RECK: variants seen among roughly 807,000 people sequenced by gnomAD.
RECK encodes reversion inducing cysteine rich protein with kazal motifs, also known as reversion-inducing cysteine-rich protein with Kazal motifs.
A neutral mutation model predicts 115.1 loss-of-function variants in RECK; 69 were observed. That is an observed-to-expected ratio of 0.60 (90% CI 0.49 to 0.73). The LOEUF (loss-of-function observed/expected upper bound fraction) is 0.73, where lower values mean the gene tolerates loss of function less well. Ranked by LOEUF, RECK falls within the 30% of genes least tolerant of loss-of-function variation. The pLI, the probability that RECK is intolerant of heterozygous loss-of-function variation, is 0.00. For missense variants in RECK, 1,047 were observed against 1,203.7 expected (o/e 0.87, Z 1.93); for synonymous variants, 414 against 419.7 (o/e 0.99, Z 0.17).
chr9:36,058,100 C>T (rs1214370949), intron 2 of RECK, among the ~76,000 whole-genome samples: 1 of 150,364 alleles, frequency 6.7e-6, no homozygotes, highest in African/African-American at 2.5e-5. Context: ...TGTGGCGATT[C>T]CTCAGGGATC....
chr9:36,059,379 C>T (rs1249618596), intron 3 of RECK, among the ~76,000 whole-genome samples: 1 of 151,714 alleles, frequency 6.6e-6, no homozygotes, highest in African/African-American at 2.4e-5. Context: ...TTGCTTGAAC[C>T]CAGGAGGCGG....
chr9:36,100,460 C>A lies in RECK; in HGVS notation c.1215C>A (p.Cys405Ter). The change falls in exon 11 of 21, where the codon TGC becomes TGA. Residue 405 changes from cysteine (C) to a stop codon, truncating the protein, a stop_gained. Transcript: ENST00000377966. LOFTEE classifies it high-confidence loss of function. ...INIPVLDIKK[C>*]QPEMWKAIAC... ...TACCTGTTCTTGATATTAAAAAGTG[C>A]CAGCCAGAGATGTGGAAAGCAATAG... is the stretch of plus-strand genomic sequence containing the variant. 1 of 1,613,866 alleles carries A rather than the reference C, an allele frequency of 6.2e-7. No individual in the cohort carries two copies. The highest frequency in any genetic ancestry group is 8.5e-7 in the Non-Finnish European group (1 of 1,179,842).
chr9:36,069,406 G>A (rs973523497), intron 6 of RECK, among the ~76,000 whole-genome samples: 3 of 150,558 alleles, frequency 2.0e-5, no homozygotes, highest in Admixed American at 6.6e-5. Flanking sequence ...TGGGTGTGGT[G>A]GTGCACACCT....
chr9:36,057,654 A>C (rs1036303996), intron 2 of RECK, among the ~76,000 whole-genome samples: 1 of 152,078 alleles, frequency 6.6e-6, no homozygotes, highest in Non-Finnish European at 1.5e-5. Context: ...CCCTGTCTCT[A>C]CAAAAAAATA....
At chr9:36,044,891 T>C (rs934415495) in intron 1 of RECK, among the ~76,000 whole-genome samples, 2 of 152,008 alleles carry the variant, frequency 1.3e-5, no homozygotes, top group Non-Finnish European at 2.9e-5. Flanking sequence ...AATTTTAGAA[T>C]TGGAATAGCA....
chr9:36,037,990 G>A (rs183151934), intron 1 of RECK, among the ~76,000 whole-genome samples: 251 of 139,700 alleles, frequency 1.8e-3, no homozygotes, highest in African/African-American at 5.4e-3. Flanking sequence ...AGGGAGACAG[G>A]CAGAGACACC....
chr9:36,038,293 CA>C (rs956242391), intron 1 of RECK, among the ~76,000 whole-genome samples: 20 of 150,178 alleles, frequency 1.3e-4, no homozygotes, highest in African/African-American at 4.4e-4. Flanking sequence ...GACCCTGTCT[CA>C]AAAAAAAATC....
chr9:36,073,241 G>GACAC (rs778489595), intron 6 of RECK, among the ~76,000 whole-genome samples: 1,035 of 67,488 alleles, frequency 0.015, 5 homozygotes, highest in Non-Finnish European at 0.021. Flanking sequence ...GACACACACA[G>GACAC]ACACACACAC....
At chr9:36,046,821 T>C (rs1033908260) in intron 1 of RECK, among the ~76,000 whole-genome samples, 10 of 152,228 alleles carry the variant, frequency 6.6e-5, no homozygotes, top group Admixed American at 3.9e-4. Flanking sequence ...AAAAGAATTA[T>C]TTTAAAAATT....
chr9:36,044,208 G>GTATTT (rs1431871259), intron 1 of RECK, among the ~76,000 whole-genome samples: 2 of 148,864 alleles, frequency 1.3e-5, no homozygotes, highest in African/African-American at 5.1e-5. Flanking sequence ...ATATTCCTAA[G>GTATTT]TATTTTATTT....
chr9:36,057,950 G>A (rs530094030), intron 2 of RECK, among the ~76,000 whole-genome samples: 1 of 151,924 alleles, frequency 6.6e-6, no homozygotes, highest in African/African-American at 2.4e-5. Context: ...AAACCACAAT[G>A]AGATACCATT....
rs546226943 is a variant in RECK, at chr9:36,048,079, T to C, written c.101-4186T>C. On this transcript the variant is annotated intron_variant, in intron 1 of 20. Transcript: ENST00000377966. ...TATACTGAAGTTGTACAGATTTCATTTGAAGAGAGGATTATGTTGCATACA... is the reference window on the plus strand; with the variant it reads ...TATACTGAAGTTGTACAGATTTCATCTGAAGAGAGGATTATGTTGCATACA... Among the ~76,000 whole-genome samples, 484 of 146,038 alleles carry C rather than the reference T, an allele frequency of 3.3e-3. 3 individuals carry two copies. The highest frequency in any genetic ancestry group is 0.012 in the African/African-American group (469 of 38,442).
At chr9:36,047,990 A>G (rs925095792) in intron 1 of RECK, among the ~76,000 whole-genome samples, 9 of 151,518 alleles carry the variant, frequency 5.9e-5, no homozygotes, top group African/African-American at 2.4e-5. Context: ...TTGTTTACTC[A>G]TTCATTTCTC....
rs201791836 is a variant in RECK, at chr9:36,083,392, G to A, written c.467G>A (p.Gly156Asp). Residue 156 changes from glycine (G) to aspartate (D), a missense_variant, in exon 8 of 21, where the codon GGT becomes GAT. Physicochemically the swap from Gly to Asp is moderately conservative, Grantham distance 94. Transcript: ENST00000377966. Reference protein sequence around the residue: ...EMGSVCCSYAGHHTNCREYCQ... With the variant: ...EMGSVCCSYADHHTNCREYCQ... ...GGCTCGGTTTGTTGCAGTTATGCAG[G>A]TCATCACACAAACTGCCGAGAATAC... 18 of 1,613,896 alleles carry A rather than the reference G, an allele frequency of 1.1e-5. No individual in the cohort carries two copies. The highest frequency in any genetic ancestry group is 1.3e-5 in the Non-Finnish European group (15 of 1,179,912).
Position 36,087,730 on chromosome 9 carries a change from G to C in RECK, c.674G>C (p.Cys225Ser). 6.2e-7 allele frequency: 1 copy of C among 1,613,964 alleles called. No individual in the cohort carries two copies. Among genetic ancestry groups the C allele is most frequent in the South Asian group, 1.1e-5 (1 of 91,080 alleles). Residue 225 changes from cysteine to serine, a missense_variant, in exon 9 of 21, where the codon TGC (cysteine) becomes TCC (serine). By Grantham distance (112) the Cys-to-Ser change is moderately radical. Transcript: ENST00000377966. ...YCCDRAEDHA[C>S]QNACKRILMS... is the part of the protein sequence containing the mutation. Reference sequence around the variant, plus strand: ...TGTGACAGAGCTGAAGACCATGCTTGCCAAAATGCCTGCAAGAGAATCCTG... The same window carrying C: ...TGTGACAGAGCTGAAGACCATGCTTCCCAAAATGCCTGCAAGAGAATCCTG...
At chr9:36,058,654 A>ACAAT (rs1195329975) in intron 2 of RECK, among the ~76,000 whole-genome samples, 173 bp from the exon 3 acceptor site, 11 of 149,724 alleles carry the variant, frequency 7.3e-5, no homozygotes, top group Non-Finnish European at 1.6e-4. Flanking sequence ...AAGTATAATA[A>ACAAT]TAATTAATAA....
At chr9:36,040,229 A>G (rs1228553132) in intron 1 of RECK, among the ~76,000 whole-genome samples, 2 of 152,250 alleles carry the variant, frequency 1.3e-5, no homozygotes, top group South Asian at 4.1e-4. Context: ...TATGATAAGG[A>G]TGCCATGAAG....
chr9:36,107,645 A>G (rs1823877507), intron 13 of RECK, among the ~76,000 whole-genome samples: 1 of 151,404 alleles, frequency 6.6e-6, no homozygotes, highest in Non-Finnish European at 1.5e-5. Context: ...TCCCTATTCT[A>G]TTTTTTAAAA....
At chr9:36,113,851 G>C (rs546241828) in intron 16 of RECK, among the ~76,000 whole-genome samples, 6 of 152,252 alleles carry the variant, frequency 3.9e-5, no homozygotes, top group African/African-American at 1.2e-4. Context: ...AAATCCAAAT[G>C]GTTCTTAAAC....
Sources: gnomAD v4.1 joint callset for allele counts (sites outside exome capture counted in the v4.1 genomes callset) on GRCh38, gnomAD v4.1.1 for gene constraint, MANE v1.5 for transcripts, NCBI Gene and HGNC (gene_info 2026-07-23, HGNC 2026-07-21) for gene names.